TENM3: variants seen among roughly 807,000 people sequenced by gnomAD.
The protein encoded by TENM3 is teneurin-3.
In TENM3, 63 loss-of-function variants were observed where a neutral mutation model predicts 255.1. The observed-to-expected ratio is 0.25, with a 90% CI of 0.20 to 0.30. The LOEUF is 0.30. Ranked by LOEUF, TENM3 falls within the 10% of genes least tolerant of loss-of-function variation. The probability of loss-of-function intolerance (pLI) is 1.00; values close to 1 mark genes in which losing one functional copy is unlikely to be tolerated. For missense variants in TENM3, 2,929 were observed against 3,461.1 expected, an observed-to-expected ratio of 0.85 and a Z score of 3.86; for synonymous variants, 1,306 against 1,322.3, an observed-to-expected ratio of 0.99 and a Z score of 0.27.
intron 12 of TENM3, among the ~76,000 whole-genome samples, chr4:182,709,104 T>G (rs1758544021): frequency 6.6e-6 from 1 of 152,012 alleles, no homozygotes; most frequent in Admixed American, 6.6e-5. Flanking sequence ...TGCCTCAGCC[T>G]CCCAAGTAGC....
chr4:181,897,581 C>G, the TENM3 span, among the ~76,000 whole-genome samples: 1 of 152,162 alleles, frequency 6.6e-6, no homozygotes, highest in Non-Finnish European at 1.5e-5. Context: ...TTTGCAAGAA[C>G]AAGATTCATA....
chr4:181,833,618 C>G, the TENM3 span, among the ~76,000 whole-genome samples: 1 of 152,148 alleles, frequency 6.6e-6, no homozygotes, highest in African/African-American at 2.4e-5. Flanking sequence ...CAAATTCACA[C>G]CTTTAACTGA....
chr4:182,576,653 T>A (rs1444106748), intron 3 of TENM3, among the ~76,000 whole-genome samples: 1 of 152,206 alleles, frequency 6.6e-6, no homozygotes, highest in Non-Finnish European at 1.5e-5. Context: ...TGCCTCTTAA[T>A]TATCTCTTGA....
the TENM3 span, among the ~76,000 whole-genome samples, chr4:181,777,672 T>G: frequency 1.3e-5 from 2 of 152,186 alleles, no homozygotes; most frequent in Admixed American, 1.3e-4. Flanking sequence ...GGTGAACATA[T>G]GCTGATTCCT....
chr4:182,053,784 A>G, the TENM3 span, among the ~76,000 whole-genome samples: 7 of 152,246 alleles, frequency 4.6e-5, no homozygotes, highest in African/African-American at 1.7e-4. Context: ...AATTGATCTC[A>G]GATGCTGGGC....
At chr4:182,372,567 C>T (rs1018301405) in intron 3 of TENM3, among the ~76,000 whole-genome samples, 6 of 151,874 alleles carry the variant, frequency 4.0e-5, no homozygotes, top group African/African-American at 9.7e-5. Flanking sequence ...CTTAGCGGAG[C>T]TCAAGTTATA....
chr4:182,448,628 C>G (rs1773140134), intron 3 of TENM3, among the ~76,000 whole-genome samples: 1 of 151,980 alleles, frequency 6.6e-6, no homozygotes, highest in African/African-American at 2.4e-5. Flanking sequence ...GGCGAAGCCC[C>G]GCCGAGGAAC....
chr4:182,575,704 G>A (rs1479569465), intron 3 of TENM3, among the ~76,000 whole-genome samples: 2 of 152,040 alleles, frequency 1.3e-5, no homozygotes, highest in African/African-American at 2.4e-5. Context: ...ATTCTAAAAA[G>A]CACCACTTTG....
the TENM3 span, among the ~76,000 whole-genome samples, chr4:181,822,233 C>T: frequency 6.6e-6 from 1 of 152,104 alleles, no homozygotes; most frequent in Non-Finnish European, 1.5e-5. Flanking sequence ...AGATAAAAAC[C>T]CTAAGCAGAT....
chr4:182,774,851 ACGGCACAACCGGCC>A, intron 23 of TENM3, 53 bp from the exon 24 acceptor site: 2 of 1,170,416 alleles, frequency 1.7e-6, no homozygotes, highest in Non-Finnish European at 2.5e-6. Context: ...AACCTATCTC[ACGGCACAACCGGCC>A]AAGTATTTAA....
intron 3 of TENM3, among the ~76,000 whole-genome samples, chr4:182,427,429 G>A (rs143317518): frequency 7.0e-4 from 107 of 152,290 alleles, no homozygotes; most frequent in African/African-American, 2.2e-3. Flanking sequence ...GATTCCCCAG[G>A]ATGGAACTAC....
At chr4:182,278,481 A>C (rs1181115125) in intron 1 of TENM3, among the ~76,000 whole-genome samples, 2 of 152,174 alleles carry the variant, frequency 1.3e-5, no homozygotes, top group South Asian at 2.1e-4. Flanking sequence ...ACTAAGAACT[A>C]TCTGCTGGGG....
intron 3 of TENM3, among the ~76,000 whole-genome samples, chr4:182,560,521 G>A (rs1253770580): frequency 4.6e-5 from 7 of 152,226 alleles, no homozygotes; most frequent in Non-Finnish European, 7.3e-5. Flanking sequence ...TGCTAGGGAA[G>A]AGAAGTTTTC....
At chr4:182,694,783 G>A (rs2152613610) in intron 12 of TENM3, among the ~76,000 whole-genome samples, 1 of 152,310 alleles carries the variant, frequency 6.6e-6, no homozygotes, top group Non-Finnish European at 1.5e-5. Context: ...AATGCACACA[G>A]CTGGGGAGGT....
intron 1 of TENM3, among the ~76,000 whole-genome samples, chr4:182,168,538 T>C (rs1250519232): frequency 1.3e-5 from 2 of 152,226 alleles, no homozygotes; most frequent in Non-Finnish European, 2.9e-5. Context: ...TGGATCTCTA[T>C]GAAACCGCTG....
At chr4:181,794,337 G>A in the TENM3 span, among the ~76,000 whole-genome samples, 1 of 151,760 alleles carries the variant, frequency 6.6e-6, no homozygotes, top group Non-Finnish European at 1.5e-5. Context: ...TTTCAAGTGT[G>A]CAATAGACTA....
chr4:182,291,898 G>T (rs995471247), intron 1 of TENM3, among the ~76,000 whole-genome samples: 4 of 151,988 alleles, frequency 2.6e-5, no homozygotes, highest in African/African-American at 4.8e-5. Flanking sequence ...AGGGAGGCAG[G>T]CAGACTCCAA....
the TENM3 span, among the ~76,000 whole-genome samples, chr4:182,086,433 C>A: frequency 6.6e-6 from 1 of 152,162 alleles, no homozygotes; most frequent in Non-Finnish European, 1.5e-5. Context: ...CCTTCTGTGT[C>A]TTTTCTTGCC....
chr4:181,570,593 AAAAG>A, the TENM3 span, among the ~76,000 whole-genome samples: 7 of 151,952 alleles, frequency 4.6e-5, no homozygotes, highest in Non-Finnish European at 7.4e-5. Flanking sequence ...AAAAGAAAGA[AAAAG>A]AGAGGAAGGA....
Sources: allele counts gnomAD v4.1 joint callset (sites outside exome capture counted in the v4.1 genomes callset), GRCh38; gene constraint gnomAD v4.1.1; transcripts MANE v1.5; gene names NCBI Gene and HGNC (gene_info 2026-07-23, HGNC 2026-07-21).